The following MPPED2 variants were observed in gnomAD, a reference collection of about 807,000 sequenced individuals.
MPPED2 encodes the protein metallophosphoesterase domain containing 2, also known as metallophosphoesterase MPPED2.
Under a neutral mutation model 33.0 loss-of-function variants are expected in MPPED2, and 5 were observed. That is an observed-to-expected ratio of 0.15 (90% CI 0.08 to 0.32). MPPED2 has a LOEUF of 0.32. Ranked by LOEUF, MPPED2 falls within the 10% of genes least tolerant of loss-of-function variation. The pLI, the probability that MPPED2 is intolerant of heterozygous loss-of-function variation, is 1.00. For synonymous variants in MPPED2, 136 were observed against 141.9 expected, an observed-to-expected ratio of 0.96 and a Z score of 0.29; for missense variants, 275 against 372.1, an observed-to-expected ratio of 0.74 and a Z score of 2.15.
At chr11:30,410,010 C>T, downstream of MPPED2, 1 of 731,248 alleles carries the variant, frequency 1.4e-6, no homozygotes, top group Non-Finnish European at 1.7e-6. Flanking sequence ...AGACAGATGA[C>T]AGCATGATGG....
rs74852336 is a variant in MPPED2 at position 30,487,550 on chromosome 11, C to T, written c.536+7746G>A. 1.3e-4 allele frequency among the ~76,000 whole-genome samples: 20 copies of T among 152,222 alleles called. 1 individual carries two copies. In the East Asian group the frequency reaches 2.7e-3, roughly 21 times the overall value. On this transcript the variant is annotated intron_variant, in intron 4 of 6. Coordinates refer to ENST00000358117, the MANE Select transcript of MPPED2 (RefSeq NM_001584.3). ...CAGGCTGAGTGCAGGGGTGTGCTCA[C>T]GGCTCATTGCAACATCGACCTCCCA...
At chr11:30,515,000 C>T (rs890734806) in intron 3 of MPPED2, among the ~76,000 whole-genome samples, 3 of 152,158 alleles carry the variant, frequency 2.0e-5, no homozygotes, top group African/African-American at 7.2e-5. Flanking sequence ...GGGGCTGAGG[C>T]AGGAGAATCC....
intron 4 of MPPED2, among the ~76,000 whole-genome samples, chr11:30,452,915 A>G (rs1414938665): frequency 1.3e-5 from 2 of 152,144 alleles, no homozygotes; most frequent in African/African-American, 4.8e-5. Context: ...GGGGGCAGCT[A>G]AAGATGGAGA....
intron 2 of MPPED2, among the ~76,000 whole-genome samples, chr11:30,567,684 G>T (rs1462647276): frequency 6.6e-6 from 1 of 152,144 alleles, no homozygotes; most frequent in African/African-American, 2.4e-5. Context: ...GACATACAAG[G>T]ATAGTGAAAG....
At chr11:30,408,850 G>C (rs1032798977), downstream of MPPED2, among the ~76,000 whole-genome samples, 2 of 152,182 alleles carry the variant, frequency 1.3e-5, no homozygotes, top group African/African-American at 4.8e-5. Flanking sequence ...GGTGATGGAC[G>C]GATAGGAAGT....
At chr11:30,541,764 G>A (rs537366822) in intron 2 of MPPED2, among the ~76,000 whole-genome samples, 26 of 152,024 alleles carry the variant, frequency 1.7e-4, no homozygotes, top group African/African-American at 5.8e-4. Flanking sequence ...GGCTAATTTT[G>A]GTATTTTTAT....
At chr11:30,527,686 G>T (rs1267410608) in intron 3 of MPPED2, among the ~76,000 whole-genome samples, 1 of 152,288 alleles carries the variant, frequency 6.6e-6, no homozygotes, top group South Asian at 2.1e-4. Flanking sequence ...CTGGTGGCCA[G>T]GTAGGGCCAC....
At chr11:30,564,948 C>T (rs893564313) in intron 2 of MPPED2, among the ~76,000 whole-genome samples, 3 of 152,140 alleles carry the variant, frequency 2.0e-5, no homozygotes, top group Admixed American at 1.3e-4. Context: ...TATCATTCCT[C>T]TCTGAACTGA....
chr11:30,451,623 G>A (rs575676576), intron 4 of MPPED2: 37 of 862,832 alleles, frequency 4.3e-5, no homozygotes, highest in South Asian at 2.7e-4. Flanking sequence ...CATGGGAGAC[G>A]TTATTTTAAT....
chr11:30,451,386 T>C (rs1950057848), intron 4 of MPPED2, among the ~76,000 whole-genome samples: 1 of 152,210 alleles, frequency 6.6e-6, no homozygotes, highest in Non-Finnish European at 1.5e-5. Context: ...ACTGCTAACC[T>C]GGCCCCCCTG....
chr11:30,509,123 A>G (rs1176944186), intron 3 of MPPED2, among the ~76,000 whole-genome samples: 1 of 152,198 alleles, frequency 6.6e-6, no homozygotes, highest in Admixed American at 6.5e-5. Context: ...ATCACAAAGT[A>G]TACTGTTAAT....
At chr11:30,443,748 C>G (rs996782630) in intron 4 of MPPED2, among the ~76,000 whole-genome samples, 5 of 152,318 alleles carry the variant, frequency 3.3e-5, no homozygotes, top group Admixed American at 6.5e-5. Flanking sequence ...TGACCAGTAA[C>G]TAGCGTGATG....
At chr11:30,488,581 A>G (rs1951838681) in intron 4 of MPPED2, among the ~76,000 whole-genome samples, 1 of 152,192 alleles carries the variant, frequency 6.6e-6, no homozygotes, top group Non-Finnish European at 1.5e-5. Context: ...TTGGTCATCA[A>G]TGGCGAGGTA....
intron 3 of MPPED2, among the ~76,000 whole-genome samples, chr11:30,511,079 C>G (rs1011825748): frequency 6.6e-6 from 1 of 152,150 alleles, no homozygotes; most frequent in Non-Finnish European, 1.5e-5. Flanking sequence ...ACCTAATTTT[C>G]GAATCCTGTA....
intron 2 of MPPED2, among the ~76,000 whole-genome samples, chr11:30,554,865 C>T (rs1955892400): frequency 6.6e-6 from 1 of 152,118 alleles, no homozygotes; most frequent in South Asian, 2.1e-4. Flanking sequence ...CACATGCTGG[C>T]TTCTCTGACA....
chr11:30,440,863 T>A (rs1044652167), intron 4 of MPPED2, among the ~76,000 whole-genome samples: 2 of 152,206 alleles, frequency 1.3e-5, no homozygotes, highest in Non-Finnish European at 2.9e-5. Context: ...AGAAATACCA[T>A]TACTACCATG....
rs146179759 is a variant in MPPED2 at position 30,421,625 on chromosome 11, T to C, written c.537-3992A>G. On this transcript the variant is annotated intron_variant, in intron 4 of 6. Coordinates refer to ENST00000358117, the MANE Select transcript of MPPED2 (RefSeq NM_001584.3). The stretch of plus-strand genomic sequence containing the variant: ...AAACCTGAATATCAGGGATATCAAG[T>C]AACTTGTCCATGTTCCCAGGACCAG... 1.6e-3 allele frequency among the ~76,000 whole-genome samples: 251 copies of C among 152,288 alleles called. 1 individual carries two copies. Among genetic ancestry groups the C allele is most frequent in the Non-Finnish European group, 2.5e-3 (167 of 68,030 alleles).
At chr11:30,528,774 A>G (rs1384921377) in intron 3 of MPPED2, among the ~76,000 whole-genome samples, 1 of 151,952 alleles carries the variant, frequency 6.6e-6, no homozygotes, top group African/African-American at 2.4e-5. Context: ...ATCTTTTAAA[A>G]CCCTTTAAAG....
intron 2 of MPPED2, among the ~76,000 whole-genome samples, chr11:30,559,165 GTTGAA>G: frequency 1.3e-5 from 2 of 152,150 alleles, no homozygotes; most frequent in Non-Finnish European, 2.9e-5. Context: ...TTAGAGTCCA[GTTGAA>G]ATAAAAGTCA....
Sources: gnomAD v4.1 joint callset for allele counts (sites outside exome capture counted in the v4.1 genomes callset) on GRCh38, gnomAD v4.1.1 for gene constraint, MANE v1.5 for transcripts, NCBI Gene and HGNC (gene_info 2026-07-23, HGNC 2026-07-21) for gene names.